The following CDKAL1 variants were observed in gnomAD, a reference collection of about 807,000 sequenced individuals.
The protein encoded by CDKAL1 is threonylcarbamoyladenosine tRNA methylthiotransferase.
In CDKAL1, 32 loss-of-function variants were observed where a neutral mutation model predicts 68.2. The ratio of observed to expected loss-of-function variants is 0.47; its 90% confidence interval spans 0.35 to 0.63. The LOEUF is 0.63. CDKAL1 is among the 30% of genes least tolerant of loss of function. The pLI is 0.00. For synonymous variants in CDKAL1, 234 were observed against 244.3 expected (o/e 0.96, Z 0.39); for missense variants, 606 against 696.7 (o/e 0.87, Z 1.47).
At chr6:20,603,859 C>G (rs1766217725) in intron 4 of CDKAL1, among the ~76,000 whole-genome samples, 2 of 144,726 alleles carry the variant, frequency 1.4e-5, no homozygotes, top group Admixed American at 7.3e-5. Context: ...TCACTGCAAC[C>G]TCCACCTCCC....
chr6:21,182,734 G>A (rs1777839207), intron 13 of CDKAL1, among the ~76,000 whole-genome samples: 1 of 152,110 alleles, frequency 6.6e-6, no homozygotes, highest in Admixed American at 6.5e-5. Flanking sequence ...TATTGAATAT[G>A]CAATTGAAAA....
At chr6:20,897,560 A>G (rs974024477) in intron 9 of CDKAL1, among the ~76,000 whole-genome samples, 1 of 152,200 alleles carries the variant, frequency 6.6e-6, no homozygotes, top group African/African-American at 2.4e-5. Context: ...AAGTCTTCCT[A>G]GAAATAGCTC....
At chr6:21,024,834 G>T (rs1768874733) in intron 11 of CDKAL1, among the ~76,000 whole-genome samples, 1 of 152,132 alleles carries the variant, frequency 6.6e-6, no homozygotes, top group African/African-American at 2.4e-5. Context: ...CACTGTAAGT[G>T]AGAGTGCCAG....
chr6:21,205,655 C>A (rs970953144), intron 15 of CDKAL1, among the ~76,000 whole-genome samples: 1 of 150,536 alleles, frequency 6.6e-6, no homozygotes, highest in African/African-American at 2.5e-5. Context: ...CGCAGCCTCC[C>A]GAGTAGCTGG....
chr6:20,756,852 TCCCC>T (rs1477566655), intron 6 of CDKAL1: 2 of 57,556 alleles, frequency 3.5e-5, no homozygotes, highest in East Asian at 3.2e-4. Context: ...TCCTTCCTTC[TCCCC>T]TTCCTTCCTT....
intron 4 of CDKAL1, among the ~76,000 whole-genome samples, chr6:20,635,016 A>G (rs1402088849): frequency 6.6e-6 from 1 of 150,768 alleles, no homozygotes; most frequent in East Asian, 1.9e-4. Context: ...GAAAAAAAGG[A>G]TGATTCCTAG....
At chr6:20,680,358 C>A (rs1770320909) in intron 5 of CDKAL1, among the ~76,000 whole-genome samples, 1 of 152,212 alleles carries the variant, frequency 6.6e-6, no homozygotes, top group African/African-American at 2.4e-5. Context: ...TGAGCCACCA[C>A]ACCCGGTCTA....
intron 4 of CDKAL1, among the ~76,000 whole-genome samples, chr6:20,579,697 G>A (rs183580166): frequency 1.6e-4 from 24 of 152,268 alleles, no homozygotes; most frequent in East Asian, 3.9e-4. Flanking sequence ...TTCAGAGCCC[G>A]TGCTCTTAAT....
At chr6:20,696,023 C>A (rs1034241581) in intron 5 of CDKAL1, among the ~76,000 whole-genome samples, 3 of 152,168 alleles carry the variant, frequency 2.0e-5, no homozygotes. Flanking sequence ...ATATCAGTCG[C>A]CTTTCTATTT....
chr6:20,999,672 A>G (rs1231797743), intron 10 of CDKAL1, among the ~76,000 whole-genome samples: 1 of 145,508 alleles, frequency 6.9e-6, no homozygotes, highest in Non-Finnish European at 1.5e-5. Flanking sequence ...TTAAAAAAAA[A>G]AAAAAAAAAA....
intron 13 of CDKAL1, among the ~76,000 whole-genome samples, chr6:21,117,239 G>A (rs1774461648): frequency 6.6e-6 from 1 of 150,906 alleles, no homozygotes; most frequent in Admixed American, 6.6e-5. Flanking sequence ...GCCAGAGTTA[G>A]CAAATAAAAA....
chr6:20,790,732 T>C (rs983567943), intron 8 of CDKAL1, among the ~76,000 whole-genome samples: 4 of 152,174 alleles, frequency 2.6e-5, no homozygotes, highest in African/African-American at 9.7e-5. Context: ...AAGAATTTTC[T>C]TGAGTGATGG....
At chr6:20,663,353 CT>C (rs1256561386) in intron 5 of CDKAL1, among the ~76,000 whole-genome samples, 2 of 151,932 alleles carry the variant, frequency 1.3e-5, no homozygotes, top group Admixed American at 1.3e-4. Flanking sequence ...AGGGTATAAA[CT>C]TTGGGACAAG....
chr6:20,780,120 A>G (rs1421294854), intron 7 of CDKAL1, among the ~76,000 whole-genome samples: 1 of 142,352 alleles, frequency 7.0e-6, no homozygotes, highest in Non-Finnish European at 1.5e-5. Flanking sequence ...AAAAAAAAAA[A>G]GACAAAATGC....
intron 15 of CDKAL1, among the ~76,000 whole-genome samples, chr6:21,219,886 A>G (rs554502247): frequency 1.1e-4 from 16 of 152,312 alleles, no homozygotes; most frequent in South Asian, 8.3e-4. Flanking sequence ...AATACACCCA[A>G]TTGTTATGTT....
At chr6:21,032,816 A>T (rs1769369943) in intron 11 of CDKAL1, among the ~76,000 whole-genome samples, 3 of 152,164 alleles carry the variant, frequency 2.0e-5, no homozygotes, top group Non-Finnish European at 4.4e-5. Context: ...ACAACAGCAA[A>T]ATCACCTAAT....
intron 4 of CDKAL1, among the ~76,000 whole-genome samples, chr6:20,638,512 G>A (rs1314943817): frequency 6.6e-6 from 1 of 152,096 alleles, no homozygotes; most frequent in African/African-American, 2.4e-5. Flanking sequence ...GGGGCATGGT[G>A]GCTGGATCGT....
rs70990042 is a variant in CDKAL1 at position 20,544,965 on chromosome 6, T to TTGTG, written c.-5-1355_-5-1352dup. On this transcript the variant is annotated intron_variant, in intron 2 of 15. Transcript: ENST00000274695. ...CGTGCCTGGGGGTGGGATTACAGTT[T>TTGTG]TGTGTGTGTGTGTGTGTGTGTGTGT... Among the ~76,000 whole-genome samples, 1,308 of 149,464 alleles carry TTGTG rather than the reference T, an allele frequency of 8.8e-3. 18 individuals carry two copies. The highest frequency in any genetic ancestry group is 0.025 in the African/African-American group (1,037 of 40,780).
intron 11 of CDKAL1, among the ~76,000 whole-genome samples, chr6:21,027,045 T>G (rs1180170000): frequency 6.6e-6 from 1 of 152,142 alleles, no homozygotes; most frequent in Non-Finnish European, 1.5e-5. Context: ...CCTTTCATAA[T>G]AGCTTTGGCA....
Sources: gnomAD v4.1 joint callset for allele counts (sites outside exome capture counted in the v4.1 genomes callset) on GRCh38, gnomAD v4.1.1 for gene constraint, MANE v1.5 for transcripts, NCBI Gene and HGNC (gene_info 2026-07-23, HGNC 2026-07-21) for gene names.